ZNF208: variants seen among roughly 807,000 people sequenced by gnomAD.
ZNF208 encodes zinc finger protein 95.
ZNF208 carries 10 observed loss-of-function variants against 12.1 expected under a neutral mutation model. The ratio of observed to expected loss-of-function variants is 0.83; its 90% confidence interval spans 0.51 to 1.40. The LOEUF (loss-of-function observed/expected upper bound fraction) is 1.40. ZNF208 is among the 40% of genes most tolerant of loss of function. The pLI, the probability that ZNF208 is intolerant of heterozygous loss-of-function variation, is 0.00. For missense variants in ZNF208, 1,652 were observed against 1,485.0 expected (o/e 1.11, Z -1.85); for synonymous variants, 497 against 488.4 (o/e 1.02, Z -0.23).
In ZNF208 at chr19:21,970,709, G is replaced by T. The variant is rs369562799; in HGVS notation, c.*482C>A. ...CATTTGTAGAGTTTCTCTCCAGCAT[G>T]AATTTTCTTATGTGTAGGAGGGTTG... On this transcript the variant is annotated 3_prime_UTR_variant, in exon 4 of 4. Transcript: ENST00000397126. 2.0e-5 allele frequency: 24 copies of T among 1,191,516 alleles called. No homozygotes were observed. The highest frequency in any genetic ancestry group is 2.7e-5 in the Non-Finnish European group (22 of 806,978). The allele number at this position is 1,191,516 out of a possible 1,614,324, so 73.8% of individuals were successfully genotyped here. A position where few individuals can be genotyped will look rare whatever the true frequency, so the allele number is the denominator to read the frequency against.
intron 2 of ZNF208, among the ~76,000 whole-genome samples, chr19:21,987,749 C>A (rs8101183): frequency 0.61 from 92,678 of 152,022 alleles, 28,833 homozygotes; most frequent in African/African-American, 0.71. Context: ...CACAAAGAAA[C>A]TTTGCCTAAA....
At chr19:21,999,961 T>C (rs771279062) in intron 1 of ZNF208, among the ~76,000 whole-genome samples, 9 of 152,216 alleles carry the variant, frequency 5.9e-5, no homozygotes, top group Admixed American at 1.3e-4. Flanking sequence ...CTTGGACATC[T>C]GAATTTTGCA....
At chr19:22,002,169 A>C (rs1970965659) in intron 1 of ZNF208, among the ~76,000 whole-genome samples, 1 of 152,128 alleles carries the variant, frequency 6.6e-6, no homozygotes, top group African/African-American at 2.4e-5. Context: ...AAAAACCCTC[A>C]ACAAACTAGG....
chr19:22,000,827 T>G (rs1319017310), intron 1 of ZNF208, among the ~76,000 whole-genome samples: 1 of 151,728 alleles, frequency 6.6e-6, no homozygotes, highest in Non-Finnish European at 1.5e-5. Context: ...ATGAAGAAGA[T>G]ACAAATAAAC....
Position 22,001,892 on chromosome 19 carries a change from C to CAAAAAAAAAAAAAAAA in ZNF208, c.3+8884_3+8899dup, listed in dbSNP as rs58939967. The stretch of plus-strand genomic sequence containing the variant: ...TGGATGACACAGTGAGACTCCATCC[C>CAAAAAAAAAAAAAAAA]AAAAAAAAAAAAAAAAAAAAAAAAA... On this transcript the variant is annotated intron_variant, in intron 1 of 3. Transcript: ENST00000397126. Among the ~76,000 whole-genome samples, 610 of 74,088 alleles carry CAAAAAAAAAAAAAAAA rather than the reference C, an allele frequency of 8.2e-3. 138 individuals are homozygous for CAAAAAAAAAAAAAAAA. The highest frequency in any genetic ancestry group is 0.011 in the East Asian group (25 of 2,352). The allele number at this position is 74,088 out of a possible 152,430, so 48.6% of individuals were successfully genotyped here. A position where few individuals can be genotyped will look rare whatever the true frequency, so the allele number is the denominator to read the frequency against.
intron 3 of ZNF208, chr19:21,986,971 A>G (rs1988427): frequency 0.57 from 273,739 of 482,574 alleles, 79,137 homozygotes; most frequent in East Asian, 0.66. Context: ...TGCCATGAAC[A>G]GTACTTTGGC....
intron 4 of ZNF208, among the ~76,000 whole-genome samples, chr19:21,944,982 G>T (rs144201247): frequency 2.0e-5 from 3 of 152,156 alleles, no homozygotes; most frequent in Non-Finnish European, 4.4e-5. Context: ...AAACTCCCCT[G>T]TAAACAGCAT....
intron 1 of ZNF208, among the ~76,000 whole-genome samples, chr19:22,007,235 G>A (rs950478328): frequency 6.6e-5 from 10 of 152,062 alleles, no homozygotes; most frequent in Admixed American, 5.2e-4. Flanking sequence ...AAACACACCT[G>A]AGGGCCGGGC....
chr19:21,973,020 T>G lies in ZNF208; in HGVS notation c.2014A>C (p.Lys672Gln). 1 of 1,613,674 alleles carries G rather than the reference T, an allele frequency of 6.2e-7. No individual in the cohort carries two copies. The highest frequency in any genetic ancestry group is 8.5e-7 in the Non-Finnish European group (1 of 1,179,874). ...EKPYKCKECGKAFSKFSILTK... is the reference protein window; with the variant it reads ...EKPYKCKECGQAFSKFSILTK... ...AGGATTGAGAACTTACTAAAGGCTT[T>G]GCCACATTCTTTACATTTGTAGGGC... The change falls in exon 4 of 4, where the codon AAA becomes CAA. Residue 672 changes from lysine to glutamine, a missense_variant. By Grantham distance (53) the Lys-to-Gln change is moderately conservative (BLOSUM62 1). Transcript: ENST00000397126.
At chr19:21,978,092 A>G (rs1039710961) in intron 3 of ZNF208, among the ~76,000 whole-genome samples, 4 of 152,070 alleles carry the variant, frequency 2.6e-5, no homozygotes, top group Admixed American at 2.6e-4. Context: ...TATAGATAAA[A>G]CGCCCATCTC....
At chr19:22,006,918 T>A (rs550360606) in intron 1 of ZNF208, among the ~76,000 whole-genome samples, 5 of 152,340 alleles carry the variant, frequency 3.3e-5, no homozygotes, top group African/African-American at 9.6e-5. Context: ...AAAAATCATG[T>A]GGTAAACAGT....
chr19:21,995,521 T>C (rs1420835098), intron 1 of ZNF208, among the ~76,000 whole-genome samples: 1 of 152,162 alleles, frequency 6.6e-6, no homozygotes, highest in Non-Finnish European at 1.5e-5. Context: ...GATTCATAGG[T>C]AATTGTTAGA....
rs373510015 is a variant in ZNF208, at chr19:22,010,812, G to T, written c.-18C>A. 1.8e-5 allele frequency: 29 copies of T among 1,613,960 alleles called. No homozygotes were observed. Among genetic ancestry groups the T allele is most frequent in the Non-Finnish European group, 2.5e-5 (29 of 1,179,970 alleles). On this transcript the variant is annotated 5_prime_UTR_variant, in exon 1 of 4. Transcript: ENST00000397126. ...CTCACCATTTCTAGGCTTCCAGGGG[G>T]TCCTGGCGACTTAGTTGTGGATCTC...
At chr19:21,994,297 A>G (rs2214297) in intron 1 of ZNF208, among the ~76,000 whole-genome samples, 88,817 of 152,030 alleles carry the variant, frequency 0.58, 26,204 homozygotes, top group East Asian at 0.69. Flanking sequence ...GTAAGATCCT[A>G]TAATACATAC....
Position 21,987,197 on chromosome 19 carries a change from T to G in ZNF208, c.226+19A>C. 3 of 1,604,770 alleles carry G rather than the reference T, an allele frequency of 1.9e-6. No individual in the cohort carries two copies. The highest frequency in any genetic ancestry group is 2.5e-6 in the Non-Finnish European group (3 of 1,176,508). On this transcript the variant is annotated intron_variant, in intron 3 of 3. Transcript: ENST00000397126. The stretch of plus-strand genomic sequence containing the variant: ...CTTTCGACCTCTCATCCATGTTGTC[T>G]GTATTCACTCTCACCTACCTGGGGA...
In ZNF208 at chr19:21,970,573, C is replaced by A; in HGVS notation, c.*618G>T. On this transcript the variant is annotated 3_prime_UTR_variant, in exon 4 of 4. Coordinates refer to ENST00000397126, the MANE Select transcript of ZNF208 (RefSeq NM_007153.3). ...TTTATGAGTAGTAAGGTGTGAGGAC[C>A]AGTTGAAGTCTTTATCACATTCTTC... 1.4e-6 allele frequency: 1 copy of A among 738,576 alleles called. No homozygotes were observed. Among genetic ancestry groups the A allele is most frequent in the South Asian group, 1.5e-5 (1 of 68,366 alleles). The allele number at this position is 738,576 out of a possible 1,614,324, so 45.8% of individuals were successfully genotyped here. A position where few individuals can be genotyped will look rare whatever the true frequency, so the allele number is the denominator to read the frequency against.
In ZNF208 at chr19:21,973,029, C is replaced by T. The variant is rs778283069; in HGVS notation, c.2005G>A (p.Glu669Lys). 4.3e-6 allele frequency: 7 copies of T among 1,613,514 alleles called. No homozygotes were observed. In the East Asian group the frequency reaches 1.6e-4, roughly 36 times the overall value. Residue 669 changes from glutamate to lysine, a missense_variant, in exon 4 of 4, where the codon GAA (glutamate) becomes AAA (lysine). Around this residue, in one of 3 missense-constraint regions of ZNF208, gnomAD observed 1,239 missense variants for 1,086.2 expected, o/e 1.14. Transcript: ENST00000397126. ...AACTTACTAAAGGCTTTGCCACATTCTTTACATTTGTAGGGCTTCTCTCCA... is the reference window on the plus strand; with the variant it reads ...AACTTACTAAAGGCTTTGCCACATTTTTTACATTTGTAGGGCTTCTCTCCA... ...HAGEKPYKCK[E>K]CGKAFSKFSI...
intron 4 of ZNF208, among the ~76,000 whole-genome samples, chr19:21,960,976 T>C (rs1462470392): frequency 1.3e-5 from 2 of 152,152 alleles, no homozygotes; most frequent in African/African-American, 4.8e-5. Context: ...TAAATAGTGA[T>C]TCCTGAATCC....
At chr19:21,987,480 C>T (rs1283396371) in intron 2 of ZNF208, among the ~76,000 whole-genome samples, 169 bp from the exon 3 acceptor site, 1 of 152,090 alleles carries the variant, frequency 6.6e-6, no homozygotes, top group Non-Finnish European at 1.5e-5. Flanking sequence ...TATAAGCTGG[C>T]CATAAAAATA....
Sources: gnomAD v4.1 joint callset for allele counts (sites outside exome capture counted in the v4.1 genomes callset) on GRCh38, gnomAD v4.1.1 for gene constraint, gnomAD v4.1.1 regional missense constraint, MANE v1.5 for transcripts, NCBI Gene and HGNC (gene_info 2026-07-23, HGNC 2026-07-21) for gene names.